RPTOR: variants seen among roughly 807,000 people sequenced by gnomAD.
RPTOR encodes regulatory-associated protein of mTOR.
A neutral mutation model predicts 169.9 loss-of-function variants in RPTOR; 21 were observed. That is an observed-to-expected ratio of 0.12 (90% CI 0.09 to 0.18). The LOEUF is 0.18. RPTOR is among the 10% of genes least tolerant of loss of function. The pLI is 1.00. For synonymous variants in RPTOR, 732 were observed against 753.2 expected (o/e 0.97, Z 0.46); for missense variants, 1,133 against 1,855.9 (o/e 0.61, Z 7.16).
At chr17:80,634,203 G>GTGTGCATAC (rs1235303087) in intron 2 of RPTOR, among the ~76,000 whole-genome samples, 3 of 96,542 alleles carry the variant, frequency 3.1e-5, no homozygotes, top group Admixed American at 1.0e-4. Flanking sequence ...TGTGCATACT[G>GTGTGCATAC]TGTGTGCATA....
rs896487120 is a variant in RPTOR at position 80,790,382 on chromosome 17, G to A, written c.831-1068G>A. On this transcript the variant is annotated intron_variant, in intron 6 of 33. Transcript: ENST00000306801. ...AGTGTGGCTGGCAGCCATGCATGGG[G>A]TCCAGGATGACCAGCTCAGCCTCCC... is the stretch of plus-strand genomic sequence containing the variant. 3.9e-5 allele frequency among the ~76,000 whole-genome samples: 6 copies of A among 152,336 alleles called. No homozygotes were observed. The East Asian group carries it at 9.6e-4, about 24-fold the overall frequency.
chr17:80,923,445 C>T (rs1486830216), intron 22 of RPTOR, 45 bp from the exon 23 acceptor site: 2 of 1,610,364 alleles, frequency 1.2e-6, no homozygotes, highest in Non-Finnish European at 1.7e-6. Flanking sequence ...CTCGAAGCCC[C>T]AGACTCTGCA....
At chr17:80,815,573 C>T (rs1957326319) in intron 7 of RPTOR, among the ~76,000 whole-genome samples, 1 of 152,264 alleles carries the variant, frequency 6.6e-6, no homozygotes, top group South Asian at 2.1e-4. Context: ...GGCCTGTGGA[C>T]TGTGGAGATC....
intron 5 of RPTOR, among the ~76,000 whole-genome samples, chr17:80,744,097 T>TTACTAGCACAGCCCTGGC (rs2066529934): frequency 2.5e-5 from 1 of 39,396 alleles, no homozygotes; most frequent in Non-Finnish European, 5.2e-5. Context: ...ACAGCCCTGG[T>TTACTAGCACAGCCCTGGC]TACTAGCACA....
Position 80,947,103 on chromosome 17 carries a change from C to A in RPTOR, c.3141-124C>A. 1 of 942,086 alleles carries A rather than the reference C, an allele frequency of 1.1e-6. No homozygotes were observed. The highest frequency in any genetic ancestry group is 1.5e-6 in the Non-Finnish European group (1 of 667,398). 58.4% of individuals were successfully genotyped at this position (942,086 alleles called of 1,614,324 possible). A position where few individuals can be genotyped will look rare whatever the true frequency, so the allele number is the denominator to read the frequency against. ...AGTAGCTAGGATGACAGGTGTGAGCCGCCGTGCCCGGCTGTGGTGTGTGGT... is the reference window on the plus strand; with the variant it reads ...AGTAGCTAGGATGACAGGTGTGAGCAGCCGTGCCCGGCTGTGGTGTGTGGT... On this transcript the variant is annotated intron_variant, in intron 26 of 33. Coordinates refer to ENST00000306801, the MANE Select transcript of RPTOR (RefSeq NM_020761.3). This position sits in a 1 kb window ranked among gnomAD's most constrained non-coding sequence, Gnocchi z 4.4.
chr17:80,839,399 C>G (rs926537520), intron 10 of RPTOR, among the ~76,000 whole-genome samples: 3 of 152,194 alleles, frequency 2.0e-5, no homozygotes, highest in African/African-American at 7.2e-5. Context: ...ACCCCATGCC[C>G]ACCACTTACT....
chr17:80,905,544 C>T (rs1177449643), intron 20 of RPTOR, among the ~76,000 whole-genome samples: 1 of 151,018 alleles, frequency 6.6e-6, no homozygotes, highest in Non-Finnish European at 1.5e-5. Flanking sequence ...TGCAGTGAGC[C>T]GGGATCGCGC....
rs1567943866 is a variant in RPTOR, at chr17:80,841,977, GCACCGCAGCTCACTCTCACCC to G, written c.1212+4001_1212+4021del. On this transcript the variant is annotated intron_variant, in intron 10 of 33. Transcript: ENST00000306801. ...CACCGCACGGCAGCTCACTCTCACC[GCACCGCAGCTCACTCTCACCC>G]CACCGCAGCTCACTCTCACCACACG... Among the ~76,000 whole-genome samples the G allele has an allele frequency of 2.0e-3, 283 of 139,202 alleles. 1 individual carries two copies. Among genetic ancestry groups the G allele is most frequent in the African/African-American group, 6.9e-3 (254 of 36,574 alleles). The allele number at this position is 139,202 out of a possible 152,430, so 91.3% of individuals were successfully genotyped here.
At chr17:80,853,433 T>G (rs2067816744) in intron 11 of RPTOR, among the ~76,000 whole-genome samples, 1 of 152,042 alleles carries the variant, frequency 6.6e-6, no homozygotes, top group Non-Finnish European at 1.5e-5. Context: ...CCAGGGTCTG[T>G]GTGTTTAGGC....
chr17:80,672,407 A>T (rs1429988162), intron 3 of RPTOR, among the ~76,000 whole-genome samples: 1 of 150,544 alleles, frequency 6.6e-6, no homozygotes, highest in Non-Finnish European at 1.5e-5. Context: ...TCATTGTCCA[A>T]GATGGCTGCT....
At chr17:80,764,431 A>G (rs1487530595) in intron 6 of RPTOR, among the ~76,000 whole-genome samples, 3 of 150,952 alleles carry the variant, frequency 2.0e-5, no homozygotes, top group East Asian at 1.9e-4. Flanking sequence ...TTGTCCTTGC[A>G]ATAGTTTACT....
chr17:80,931,785 G>C (rs1156550690), intron 24 of RPTOR, among the ~76,000 whole-genome samples: 1 of 152,182 alleles, frequency 6.6e-6, no homozygotes, highest in African/African-American at 2.4e-5. Context: ...CTCAGTCAGA[G>C]TCTGGGCTAG....
intron 3 of RPTOR, among the ~76,000 whole-genome samples, chr17:80,664,132 T>C (rs959621306): frequency 6.6e-6 from 1 of 152,110 alleles, no homozygotes; most frequent in Non-Finnish European, 1.5e-5. Context: ...CGCAGAGGGC[T>C]CTTACGTGCA....
At chr17:80,831,039 C>T (rs927037693) in intron 9 of RPTOR, among the ~76,000 whole-genome samples, 1 of 152,156 alleles carries the variant, frequency 6.6e-6, no homozygotes, top group Non-Finnish European at 1.5e-5. Context: ...TGCCACCGCG[C>T]CCAATAGGGA....
rs781427409 is a variant in RPTOR at position 80,754,062 on chromosome 17, C to T, written c.707C>T (p.Ser236Leu). The T allele has an allele frequency of 1.4e-5, 22 of 1,614,040 alleles. No homozygotes were observed. The highest frequency in any genetic ancestry group is 6.7e-5 in the East Asian group (3 of 44,898). The part of the protein sequence containing the change: ...HPLAQMPLPP[S>L]MKNCIQLAAC... ...CTTGCTCAGATGCCTTTGCCTCCGTCGATGAAAAACTGCATCCAGCTGGCA... is the reference window on the plus strand; with the variant it reads ...CTTGCTCAGATGCCTTTGCCTCCGTTGATGAAAAACTGCATCCAGCTGGCA... The change falls in exon 6 of 34, where the codon TCG becomes TTG. Residue 236 changes from serine to leucine, a missense_variant. Ser to Leu is a moderately radical substitution (Grantham distance 145, BLOSUM62 -2). This residue lies in a region of RPTOR where 289 missense variants were observed against 585.8 expected (regional missense o/e 0.49). Coordinates refer to ENST00000306801, the MANE Select transcript of RPTOR (RefSeq NM_020761.3). The surrounding 1 kb of genome is among the most constrained non-coding windows in gnomAD (Gnocchi z 4.2).
rs1258607241 is a variant in RPTOR, at chr17:80,633,531, G to A, written c.265+7738G>A. ...AATGATTCCGTTTAGGTCATGCTTC[G>A]CTGGCAGGAGCATCACGCAGAGCTG... On this transcript the variant is annotated intron_variant, in intron 2 of 33. Transcript: ENST00000306801. The surrounding 1 kb of genome is among the most constrained non-coding windows in gnomAD (Gnocchi z 4.1). 6.6e-6 allele frequency among the ~76,000 whole-genome samples: 1 copy of A among 152,160 alleles called. No individual in the cohort carries two copies. Among genetic ancestry groups the A allele is most frequent in the African/African-American group, 2.4e-5 (1 of 41,424 alleles).
At chr17:80,894,433 C>T (rs941072017) in intron 20 of RPTOR, among the ~76,000 whole-genome samples, 4 of 152,218 alleles carry the variant, frequency 2.6e-5, no homozygotes, top group Admixed American at 6.5e-5. Flanking sequence ...TTCCCTCCAT[C>T]CCAGCAGCTT....
At chr17:80,601,770 T>G in intron 1 of RPTOR, among the ~76,000 whole-genome samples, 1 of 10,096 alleles carries the variant, frequency 9.9e-5, no homozygotes, top group East Asian at 1.0e-3. Flanking sequence ...GTGATGACTC[T>G]TAACGAGCAT....
chr17:80,912,021 G>A (rs1306592608), intron 21 of RPTOR, among the ~76,000 whole-genome samples: 4 of 152,110 alleles, frequency 2.6e-5, no homozygotes, highest in Non-Finnish European at 4.4e-5. Flanking sequence ...TGCCTGCTAC[G>A]GATTAGGGAA....
Sources: allele counts gnomAD v4.1 joint callset (sites outside exome capture counted in the v4.1 genomes callset), GRCh38; gene constraint gnomAD v4.1.1; regional missense constraint gnomAD v4.1.1; non-coding constraint Gnocchi (gnomAD v3.1); transcripts MANE v1.5; gene names NCBI Gene and HGNC (gene_info 2026-07-23, HGNC 2026-07-21).